Variants in ZNF385D observed in about 807,000 individuals in gnomAD.
The protein encoded by ZNF385D is zinc finger protein 385D.
Under a neutral mutation model 35.8 loss-of-function variants are expected in ZNF385D, and 15 were observed. The observed-to-expected ratio is 0.42, with a 90% CI of 0.28 to 0.64. The LOEUF is 0.64. ZNF385D is among the 30% of genes least tolerant of loss of function. The pLI, the probability that ZNF385D is intolerant of heterozygous loss-of-function variation, is 0.23. For synonymous variants in ZNF385D, 212 were observed against 186.8 expected, an observed-to-expected ratio of 1.13 and a Z score of -1.10; for missense variants, 474 against 494.6, an observed-to-expected ratio of 0.96 and a Z score of 0.39.
At chr3:21,591,556 T>C (rs1457724975) in intron 2 of ZNF385D, among the ~76,000 whole-genome samples, 1 of 152,162 alleles carries the variant, frequency 6.6e-6, no homozygotes, top group Non-Finnish European at 1.5e-5. Flanking sequence ...CCAATATGAA[T>C]ATAAATTAAT....
At chr3:21,661,511 C>T (rs1173612032) in intron 2 of ZNF385D, among the ~76,000 whole-genome samples, 1 of 152,202 alleles carries the variant, frequency 6.6e-6, no homozygotes. Context: ...TAAACATCAT[C>T]TATCTACTCC....
chr3:21,575,048 G>A (rs2063454908), intron 2 of ZNF385D, among the ~76,000 whole-genome samples: 1 of 152,090 alleles, frequency 6.6e-6, no homozygotes, highest in South Asian at 2.1e-4. Context: ...ATTAACAGTT[G>A]TAAAATTCAG....
chr3:22,137,522 A>G (rs1244820171), intron 3 of ZNF385D, among the ~76,000 whole-genome samples: 1 of 152,180 alleles, frequency 6.6e-6, no homozygotes, highest in Admixed American at 6.6e-5. Flanking sequence ...TCAACATGTG[A>G]AAATCAATAA....
chr3:22,143,681 G>C (rs751764836), intron 3 of ZNF385D, among the ~76,000 whole-genome samples: 1 of 152,004 alleles, frequency 6.6e-6, no homozygotes, highest in Non-Finnish European at 1.5e-5. Flanking sequence ...GTAATGTAAT[G>C]AACATCAACA....
At chr3:21,823,233 A>AGTTG (rs1455940841) in intron 3 of ZNF385D, among the ~76,000 whole-genome samples, 2 of 152,194 alleles carry the variant, frequency 1.3e-5, no homozygotes, top group African/African-American at 2.4e-5. Flanking sequence ...TACTTTATGT[A>AGTTG]GTTGGTTATT....
chr3:22,098,260 G>C (rs996082515), intron 3 of ZNF385D, among the ~76,000 whole-genome samples: 5 of 152,176 alleles, frequency 3.3e-5, no homozygotes, highest in East Asian at 3.9e-4. Flanking sequence ...CCAGAAAACA[G>C]AGGAAGTGAC....
chr3:22,149,075 G>A (rs6807340), intron 3 of ZNF385D, among the ~76,000 whole-genome samples: 14,039 of 152,082 alleles, frequency 0.092, 1,222 homozygotes, highest in East Asian at 0.43. Context: ...ACCAGCAGCC[G>A]CAGCATCAAC....
intron 3 of ZNF385D, among the ~76,000 whole-genome samples, chr3:21,938,293 G>A (rs1219442343): frequency 2.0e-5 from 3 of 152,170 alleles, no homozygotes; most frequent in Non-Finnish European, 4.4e-5. Flanking sequence ...ACACCGGTGA[G>A]CCTGGCAGAT....
chr3:22,070,632 G>A (rs1438940208), intron 3 of ZNF385D, among the ~76,000 whole-genome samples: 2 of 152,052 alleles, frequency 1.3e-5, no homozygotes, highest in Non-Finnish European at 2.9e-5. Flanking sequence ...AAGTACTATA[G>A]TAAGTCCAGG....
chr3:22,027,838 C>G (rs547066147), intron 3 of ZNF385D, among the ~76,000 whole-genome samples: 3 of 152,296 alleles, frequency 2.0e-5, no homozygotes, highest in South Asian at 4.2e-4. Flanking sequence ...GGGGGGTTCT[C>G]TATGATCAGT....
intron 3 of ZNF385D, among the ~76,000 whole-genome samples, chr3:21,558,108 T>C (rs1041678195): frequency 9.6e-5 from 13 of 135,082 alleles, no homozygotes; most frequent in Non-Finnish European, 1.7e-4. Context: ...CCTGGATTCA[T>C]TGATTTTTTT....
At chr3:21,652,081 T>G (rs2065932777) in intron 2 of ZNF385D, among the ~76,000 whole-genome samples, 1 of 152,204 alleles carries the variant, frequency 6.6e-6, no homozygotes, top group Non-Finnish European at 1.5e-5. Context: ...CTCTTTTACC[T>G]TCACTGAATG....
chr3:21,843,213 C>A (rs1034181231), intron 3 of ZNF385D, among the ~76,000 whole-genome samples: 2 of 151,960 alleles, frequency 1.3e-5, no homozygotes, highest in South Asian at 4.1e-4. Flanking sequence ...TATAAAGACA[C>A]TGAACTTTTG....
chr3:21,769,005 T>C (rs1354361729), intron 3 of ZNF385D, among the ~76,000 whole-genome samples: 1 of 151,992 alleles, frequency 6.6e-6, no homozygotes, highest in Non-Finnish European at 1.5e-5. Context: ...ACCGGGATTG[T>C]TATAAATAGC....
intron 2 of ZNF385D, among the ~76,000 whole-genome samples, chr3:22,196,437 A>G (rs972678569): frequency 8.6e-5 from 13 of 151,980 alleles, no homozygotes; most frequent in African/African-American, 3.1e-4. Context: ...TTGAATTTAA[A>G]TCTATGTTCT....
At chr3:22,144,724 G>A (rs1379737383) in intron 3 of ZNF385D, among the ~76,000 whole-genome samples, 1 of 151,394 alleles carries the variant, frequency 6.6e-6, no homozygotes, top group Non-Finnish European at 1.5e-5. Flanking sequence ...TTATTATTAT[G>A]TGTACAATTA....
At chr3:21,839,459 A>G (rs1695528791) in intron 3 of ZNF385D, among the ~76,000 whole-genome samples, 1 of 152,056 alleles carries the variant, frequency 6.6e-6, no homozygotes, top group African/African-American at 2.4e-5. Flanking sequence ...ACTTTCCTAA[A>G]CTATGTCCAG....
intron 3 of ZNF385D, among the ~76,000 whole-genome samples, chr3:22,109,018 C>T (rs1461832757): frequency 6.6e-6 from 1 of 151,920 alleles, no homozygotes; most frequent in Non-Finnish European, 1.5e-5. Context: ...TCTCAAAAAA[C>T]AAAACAAAAC....
intron 3 of ZNF385D, among the ~76,000 whole-genome samples, chr3:21,841,236 C>A (rs1289566466): frequency 1.3e-5 from 2 of 151,962 alleles, no homozygotes; most frequent in Non-Finnish European, 2.9e-5. Flanking sequence ...TCTTTAATAG[C>A]TTCATAGTAA....
Sources: gnomAD v4.1 joint callset for allele counts (sites outside exome capture counted in the v4.1 genomes callset) on GRCh38, gnomAD v4.1.1 for gene constraint, MANE v1.5 for transcripts, NCBI Gene and HGNC (gene_info 2026-07-23, HGNC 2026-07-21) for gene names.